TRIOBP: variants seen among roughly 807,000 people sequenced by gnomAD.
TRIOBP encodes the protein TRIO and F-actin-binding protein.
A neutral mutation model predicts 238.8 loss-of-function variants in TRIOBP; 169 were observed. The ratio of observed to expected loss-of-function variants is 0.71; its 90% CI spans 0.62 to 0.80. The LOEUF is 0.80. Among genes scored for constraint, TRIOBP ranks in the 30% least tolerant of loss-of-function variants. The probability of loss-of-function intolerance (pLI) is 0.00; values close to 1 mark genes in which losing one functional copy is unlikely to be tolerated. For synonymous variants in TRIOBP, 1,150 were observed against 1,274.4 expected (o/e 0.90, Z 2.08); for missense variants, 2,838 against 3,122.6 (o/e 0.91, Z 2.17).
intron 4 of TRIOBP, among the ~76,000 whole-genome samples, chr22:37,711,433 G>T (rs1923229008): frequency 6.6e-6 from 1 of 151,874 alleles, no homozygotes; most frequent in African/African-American, 2.4e-5. Flanking sequence ...ACAAAAATTA[G>T]CCAGGCATGG....
intron 15 of TRIOBP, among the ~76,000 whole-genome samples, chr22:37,755,942 C>T (rs2285126): frequency 0.024 from 3,682 of 152,246 alleles, 148 homozygotes; most frequent in East Asian, 0.18. Context: ...GTGTCTGTGC[C>T]GTGGGGGCCG....
At chr22:37,759,318 G>T in intron 17 of TRIOBP, 54 bp downstream of exon 17, 1 of 1,555,166 alleles carries the variant, frequency 6.4e-7, no homozygotes. Context: ...TGCTTGCCGT[G>T]TTATCAGGAA....
At position 37,701,374 on chromosome 22, in the gene TRIOBP, G is replaced by C. The variant is rs545689127; in HGVS notation, c.9G>C (p.Glu3Asp). The stretch of plus-strand genomic sequence containing the variant: ...GGCCTGACTCACCCAATATGGAGGA[G>C]GTGCCTGGGGATGCCCTGTGTGAAC... ME[E>D]VPGDALCEHF... Residue 3 changes from glutamate to aspartate, a missense_variant, in exon 3 of 24, where the codon GAG (glutamate) becomes GAC (aspartate). This residue lies in a region of TRIOBP where 535 missense variants were observed against 537.3 expected (regional missense o/e 1.00). Transcript: ENST00000644935. 80 of 1,613,036 alleles carry C rather than the reference G, an allele frequency of 5.0e-5. No homozygotes were observed. The South Asian group carries it at 8.5e-4, about 17-fold the overall frequency.
Position 37,701,405 on chromosome 22 carries a change from G to C in TRIOBP, c.40G>C (p.Glu14Gln), listed in dbSNP as rs1922636461. The C allele has an allele frequency of 2.5e-6, 4 of 1,613,884 alleles. No homozygotes were observed. The highest frequency in any genetic ancestry group is 3.4e-6 in the Non-Finnish European group (4 of 1,179,964). Residue 14 changes from glutamate to glutamine, a missense_variant, in exon 3 of 24, where the codon GAG (glutamate) becomes CAG (glutamine). Physicochemically the swap from Glu to Gln is conservative, Grantham distance 29. Transcript: ENST00000644935. ...TGGGGATGCCCTGTGTGAACACTTT[G>C]AGGCCAACATACTTACCCAGAACCG... ...VPGDALCEHF[E>Q]ANILTQNRCQ... is the part of the protein sequence containing the mutation.
At chr22:37,732,639 G>T (rs973445385) in intron 7 of TRIOBP, among the ~76,000 whole-genome samples, 2 of 152,130 alleles carry the variant, frequency 1.3e-5, no homozygotes, top group East Asian at 3.8e-4. Context: ...ATGGCCTGGA[G>T]TTTTCAAGGC....
rs727505298 is a variant in TRIOBP at position 37,734,607 on chromosome 22, T to C, written c.4271T>C (p.Leu1424Pro). The change falls in exon 9 of 24, where the codon CTG (leucine) becomes CCG (proline). Residue 1424 changes from leucine (L) to proline (P), a missense_variant. By Grantham distance (98) the Leu-to-Pro change is moderately conservative. Coordinates refer to ENST00000644935, the MANE Select transcript of TRIOBP (RefSeq NM_001039141.3). ...GGCCAAGCAGGCCCAAGACAGCCTCTGGGGGTGTGGCAGAGTCAGGAGGAA... is the reference window on the plus strand; with the variant it reads ...GGCCAAGCAGGCCCAAGACAGCCTCCGGGGGTGTGGCAGAGTCAGGAGGAA... The part of the protein sequence containing the change: ...ESGQAGPRQP[L>P]GVWQSQEEPP... The C allele has an allele frequency of 1.9e-6, 3 of 1,581,848 alleles. No homozygotes were observed. Among genetic ancestry groups the C allele is most frequent in the Non-Finnish European group, 2.6e-6 (3 of 1,164,384 alleles).
At chr22:37,717,064 G>A (rs2145825663) in intron 6 of TRIOBP, among the ~76,000 whole-genome samples, 1 of 152,300 alleles carries the variant, frequency 6.6e-6, no homozygotes, top group Admixed American at 6.5e-5. Context: ...GGCGTGTCTG[G>A]AGTTTGTTCC....
intron 11 of TRIOBP, among the ~76,000 whole-genome samples, chr22:37,749,478 G>C (rs1324758544): frequency 6.6e-6 from 1 of 152,136 alleles, no homozygotes. Context: ...CCAGGTAGGA[G>C]GCGGGGCTGT....
At chr22:37,737,436 C>G (rs1043383463) in intron 9 of TRIOBP, among the ~76,000 whole-genome samples, 1 of 151,720 alleles carries the variant, frequency 6.6e-6, no homozygotes, top group Non-Finnish European at 1.5e-5. Context: ...CTGAGGCAGG[C>G]AAATCACGAG....
At chr22:37,704,984 G>T (rs1362819750) in intron 3 of TRIOBP, among the ~76,000 whole-genome samples, 2 of 151,994 alleles carry the variant, frequency 1.3e-5, no homozygotes, top group Non-Finnish European at 2.9e-5. Flanking sequence ...GATGTGGGAG[G>T]ATTACTGGAT....
At chr22:37,755,222 T>C in intron 14 of TRIOBP, 32 bp downstream of exon 14, 1 of 1,596,084 alleles carries the variant, frequency 6.3e-7, no homozygotes, top group Non-Finnish European at 8.5e-7. Flanking sequence ...GGGCTGGTGG[T>C]GGGCAGCATG....
At chr22:37,716,431 T>C (rs916291938) in intron 6 of TRIOBP, among the ~76,000 whole-genome samples, 1 of 151,846 alleles carries the variant, frequency 6.6e-6, no homozygotes, top group African/African-American at 2.4e-5. Context: ...ATTATTATTA[T>C]TACTATTATT....
In TRIOBP at chr22:37,735,168, C is replaced by T. The variant is rs1924610647; in HGVS notation, c.4832C>T (p.Pro1611Leu). The part of the protein sequence containing the change: ...HRDDLARALG[P>L]ELGPPGTNDV... ...GATGACCTGGCCAGGGCTTTAGGGC[C>T]AGAGCTGGGTCCCCCAGGCACAAAC... Residue 1611 changes from proline (P) to leucine (L), a missense_variant, in exon 9 of 24, where the codon CCA becomes CTA. By Grantham distance (98) the Pro-to-Leu change is moderately conservative (BLOSUM62 -3). Transcript: ENST00000644935. The T allele has an allele frequency of 2.5e-6, 4 of 1,609,824 alleles. No homozygotes were observed. Among genetic ancestry groups the T allele is most frequent in the Non-Finnish European group, 2.5e-6 (3 of 1,177,320 alleles).
In TRIOBP at chr22:37,768,099, C is replaced by T. The variant is rs4821708; in HGVS notation, c.6498C>T (p.Tyr2166=). The change falls in exon 19 of 24, where the codon TAC becomes TAT. Residue 2166 remains tyrosine (Y), a synonymous_variant. Coordinates refer to ENST00000644935, the MANE Select transcript of TRIOBP (RefSeq NM_001039141.3). ...ASAIEAMKKA[Y]QEELSRELSK... ...CCATTGAAGCCATGAAGAAGGCCTA[C>T]CAGGAAGAGCTGAGCCGAGAGCTGA... is the stretch of plus-strand genomic sequence containing the variant. 487,259 of 1,611,854 alleles carry T rather than the reference C, an allele frequency of 0.3. 77,257 individuals carry two copies. Among genetic ancestry groups the T allele is most frequent in the South Asian group, 0.4 (36,222 of 90,752 alleles).
chr22:37,732,015 G>C (rs1415399640), intron 7 of TRIOBP, among the ~76,000 whole-genome samples: 1 of 152,144 alleles, frequency 6.6e-6, no homozygotes, highest in African/African-American at 2.4e-5. Context: ...GCCTCACTCT[G>C]GGTCCACCAC....
At chr22:37,744,551 C>T (rs571305193) in intron 11 of TRIOBP, among the ~76,000 whole-genome samples, 117 of 152,206 alleles carry the variant, frequency 7.7e-4, no homozygotes, top group Non-Finnish European at 1.4e-3. Flanking sequence ...TAGGAGGAGT[C>T]GCAGGGGCCA....
Position 37,725,211 on chromosome 22 carries a change from C to T in TRIOBP, c.2655C>T (p.Arg885=), listed in dbSNP as rs769703361. The change falls in exon 7 of 24, where the codon CGC becomes CGT. Residue 885 remains arginine, a synonymous_variant. Coordinates refer to ENST00000644935, the MANE Select transcript of TRIOBP (RefSeq NM_001039141.3). ...ATCTGAGACCATCATCTCCCCACCG[C>T]TCCACTCAATGGAACAATCCCAGGA... is the stretch of plus-strand genomic sequence containing the variant. ...KENLRPSSPH[R]STQWNNPRNS... The T allele has an allele frequency of 2.5e-6, 4 of 1,614,114 alleles. No homozygotes were observed. In the South Asian group the frequency reaches 4.4e-5, roughly 18 times the overall value.
At chr22:37,706,994 G>C (rs779200368) in intron 3 of TRIOBP, among the ~76,000 whole-genome samples, 3 of 152,108 alleles carry the variant, frequency 2.0e-5, no homozygotes, top group Non-Finnish European at 2.9e-5. Context: ...TGGGCCGGGC[G>C]CGGTGGCTCA....
At position 37,775,406 on chromosome 22, in the gene TRIOBP, G is replaced by A. The variant is rs2145888715; in HGVS notation, c.*1626G>A. 1 of 152,266 alleles carries A rather than the reference G, an allele frequency of 6.6e-6. No homozygotes were observed. Among genetic ancestry groups the A allele is most frequent in the East Asian group, 1.9e-4 (1 of 5,204 alleles). 9.4% of individuals were successfully genotyped at this position (152,266 alleles called of 1,614,324 possible). ...GGTTGAGGAATGGACAAGGCTTGCA[G>A]TTCACGCAAGCCAGTGAAATGCGAG... On this transcript the variant is annotated 3_prime_UTR_variant, in exon 24 of 24. Coordinates refer to ENST00000644935, the MANE Select transcript of TRIOBP (RefSeq NM_001039141.3).
Sources: allele counts gnomAD v4.1 joint callset (sites outside exome capture counted in the v4.1 genomes callset), GRCh38; gene constraint gnomAD v4.1.1; regional missense constraint gnomAD v4.1.1; transcripts MANE v1.5; gene names NCBI Gene and HGNC (gene_info 2026-07-23, HGNC 2026-07-21).